CCNB1: variants seen among roughly 807,000 people sequenced by gnomAD.
CCNB1 encodes the protein G2/mitotic-specific cyclin-B1.
CCNB1 carries 26 observed loss-of-function variants against 44.4 expected under a neutral mutation model. That is an observed-to-expected ratio of 0.59 (90% CI 0.43 to 0.81). The LOEUF (loss-of-function observed/expected upper bound fraction) is 0.81, where lower values mean the gene tolerates loss of function less well. Among genes scored for constraint, CCNB1 ranks in the 40% least tolerant of loss-of-function variants. CCNB1 has a pLI of 0.00. For synonymous variants in CCNB1, 195 were observed against 181.4 expected (o/e 1.08, Z -0.60); for missense variants, 477 against 520.9 (o/e 0.92, Z 0.82).
chr5:69,172,497 T>A (rs528710762), intron 4 of CCNB1, among the ~76,000 whole-genome samples: 1 of 152,220 alleles, frequency 6.6e-6, no homozygotes, highest in East Asian at 1.9e-4. Context: ...CCTTAGATGA[T>A]CTACCCATCC....
chr5:69,172,036 C>A (rs528916300), intron 4 of CCNB1, among the ~76,000 whole-genome samples: 88 of 152,180 alleles, frequency 5.8e-4, no homozygotes, highest in Non-Finnish European at 1.0e-3. Flanking sequence ...AACATAGTAA[C>A]ATAAATTATA....
intron 4 of CCNB1, among the ~76,000 whole-genome samples, chr5:69,171,777 G>A (rs976891408): frequency 6.6e-6 from 1 of 152,122 alleles, no homozygotes. Flanking sequence ...TGCATTTTAG[G>A]TGATAACGGG....
rs1747374411 is a variant in CCNB1 at position 69,167,977 on chromosome 5, C to T, written c.91C>T (p.Pro31Ser). The change falls in exon 2 of 9, where the codon CCT becomes TCT. Residue 31 changes from proline to serine, a missense_variant. Coordinates refer to ENST00000256442, the MANE Select transcript of CCNB1 (RefSeq NM_031966.4). ...MAGAKRVPTA[P>S]AATSKPGLRP... ...AGGCGCAAAGCGCGTTCCTACGGCC[C>T]CTGCTGCAACCTCCAAGCCCGGACT... The T allele has an allele frequency of 1.2e-6, 2 of 1,614,070 alleles. No individual in the cohort carries two copies. Among genetic ancestry groups the T allele is most frequent in the East Asian group, 2.2e-5 (1 of 44,902 alleles).
rs1747561517 is a variant in CCNB1 at position 69,175,401 on chromosome 5, A to T, written c.947A>T (p.Asp316Val). The change falls in exon 7 of 9, where the codon GAT becomes GTT. Residue 316 changes from aspartate (D) to valine (V), a missense_variant. By Grantham distance (152) the Asp-to-Val change is radical. Coordinates refer to ENST00000256442, the MANE Select transcript of CCNB1 (RefSeq NM_031966.4). ...GTAACATGGGTTTTGTTTCAGGTTG[A>T]TGTCGAGCAACATACTTTGGCCAAA... ...LRRASKIGEV[D>V]VEQHTLAKYL... 3 of 1,613,032 alleles carry T rather than the reference A, an allele frequency of 1.9e-6. No individual in the cohort carries two copies. In the African/African-American group the frequency reaches 4.0e-5, roughly 22 times the overall value.
Position 69,177,681 on chromosome 5 carries a change from T to TG in CCNB1, c.*51dup. 4.7e-5 allele frequency: 51 copies of TG among 1,080,736 alleles called. No homozygotes were observed. Among genetic ancestry groups the TG allele is most frequent in the Non-Finnish European group, 6.3e-5 (44 of 702,882 alleles). 66.9% of individuals were successfully genotyped at this position (1,080,736 alleles called of 1,614,324 possible). A position where few individuals can be genotyped will look rare whatever the true frequency, so the allele number is the denominator to read the frequency against. On this transcript the variant is annotated 3_prime_UTR_variant, in exon 9 of 9. Transcript: ENST00000256442. ...ATATTTACAAATAAAATTGGCACCA[T>TG]GTGCCATCTGTACATATTACTGTTG...
rs1418662635 is a variant in CCNB1 at position 69,167,150 on chromosome 5, G to C, written c.-113G>C. ...ATCTGAGGCTAGGCTGGCTCTTCTCGGCGTGCTGCGGCGGAACGGCTGTTG... is the reference window on the plus strand; with the variant it reads ...ATCTGAGGCTAGGCTGGCTCTTCTCCGCGTGCTGCGGCGGAACGGCTGTTG... On this transcript the variant is annotated 5_prime_UTR_variant, in exon 1 of 9. Coordinates refer to ENST00000256442, the MANE Select transcript of CCNB1 (RefSeq NM_031966.4). The C allele has an allele frequency of 5.8e-6, 5 of 857,480 alleles. No homozygotes were observed. The highest frequency in any genetic ancestry group is 9.0e-6 in the Non-Finnish European group (5 of 558,544). The allele number at this position is 857,480 out of a possible 1,614,324, so 53.1% of individuals were successfully genotyped here. A position where few individuals can be genotyped will look rare whatever the true frequency, so the allele number is the denominator to read the frequency against.
In CCNB1 at chr5:69,168,054, G is replaced by A. The variant is rs1391027934; in HGVS notation, c.168G>A (p.Leu56=). ...TTGGTAACAAAGTCAGTGAACAACT[G>A]CAGGCCAAAATGCCTATGAAGAAGG... The part of the protein sequence containing the change: ...GDIGNKVSEQ[L]QAKMPMKKEA... Residue 56 remains leucine, a synonymous_variant, in exon 2 of 9, where the codon CTG becomes CTA. Transcript: ENST00000256442. 2 of 1,613,922 alleles carry A rather than the reference G, an allele frequency of 1.2e-6. No individual in the cohort carries two copies. The highest frequency in any genetic ancestry group is 1.1e-5 in the South Asian group (1 of 91,022).
rs1747352138 is a variant in CCNB1, at chr5:69,167,223, G to T, written c.-40G>T. On this transcript the variant is annotated 5_prime_UTR_variant, in exon 1 of 9. Transcript: ENST00000256442. The stretch of plus-strand genomic sequence containing the variant: ...TGGCTGGTCGGGCCTCCGGTGTTCT[G>T]CTTCTCCCCGCTGAGCTGCTGCCTG... 1 of 1,541,958 alleles carries T rather than the reference G, an allele frequency of 6.5e-7. No individual in the cohort carries two copies. The highest frequency in any genetic ancestry group is 8.7e-7 in the Non-Finnish European group (1 of 1,143,608).
Position 69,168,068 on chromosome 5 carries a change from C to G in CCNB1, c.182C>G (p.Pro61Arg), listed in dbSNP as rs1324809291. 12 of 1,613,558 alleles carry G rather than the reference C, an allele frequency of 7.4e-6. No homozygotes were observed. The highest frequency in any genetic ancestry group is 1.0e-5 in the Non-Finnish European group (12 of 1,179,850). ...AGTGAACAACTGCAGGCCAAAATGC[C>G]TATGAAGAAGGTAACTCTCTTCCTG... is the stretch of plus-strand genomic sequence containing the variant. ...KVSEQLQAKM[P>R]MKKEAKPSAT... Residue 61 changes from proline (P) to arginine (R), a missense_variant, in exon 2 of 9, where the codon CCT (proline) becomes CGT (arginine). Physicochemically the swap from Pro to Arg is moderately radical, Grantham distance 103 (BLOSUM62 -2). Coordinates refer to ENST00000256442, the MANE Select transcript of CCNB1 (RefSeq NM_031966.4).
intron 4 of CCNB1, among the ~76,000 whole-genome samples, chr5:69,173,673 A>G (rs1747511753): frequency 6.6e-6 from 1 of 152,162 alleles, no homozygotes; most frequent in Admixed American, 6.6e-5. Context: ...TTTATTTGGA[A>G]GGGAGTGGAC....
Position 69,175,513 on chromosome 5 carries a change from G to A in CCNB1, c.1059G>A (p.Leu353=), listed in dbSNP as rs1747565260. 6.2e-7 allele frequency: 1 copy of A among 1,614,122 alleles called. No individual in the cohort carries two copies. Among genetic ancestry groups the A allele is most frequent in the East Asian group, 2.2e-5 (1 of 44,868 alleles). ...QIAAGAFCLA[L]KILDNGEWTP... is the part of the protein sequence containing the mutation. Reference sequence around the variant, plus strand: ...CAGCAGGAGCTTTTTGCTTAGCACTGAAAATTCTGGATAATGGTGAATGGG... The same window carrying A: ...CAGCAGGAGCTTTTTGCTTAGCACTAAAAATTCTGGATAATGGTGAATGGG... Residue 353 remains leucine (L), a synonymous_variant, in exon 7 of 9, where the codon CTG becomes CTA. Transcript: ENST00000256442.
At position 69,176,587 on chromosome 5, in the gene CCNB1, G is replaced by C. The variant is rs185905925; in HGVS notation, c.1084-652G>C. ...GGGTTTCACCGTGTTAGCCAGGATG[G>C]TCTTGATCTCCTGACCTCGTGATCC... is the stretch of plus-strand genomic sequence containing the variant. On this transcript the variant is annotated intron_variant, in intron 7 of 8. Transcript: ENST00000256442. Among the ~76,000 whole-genome samples, 496 of 149,852 alleles carry C rather than the reference G, an allele frequency of 3.3e-3. 3 individuals are homozygous for C. Among genetic ancestry groups the C allele is most frequent in the African/African-American group, 0.012 (479 of 40,868 alleles).
chr5:69,175,339 G>A (rs564518949), intron 6 of CCNB1, 58 bp from the exon 7 acceptor site: 1 of 1,560,004 alleles, frequency 6.4e-7, no homozygotes, highest in Non-Finnish European at 8.8e-7. Context: ...TGGGCATGCA[G>A]GTTAGTGCCA....
At position 69,174,945 on chromosome 5, in the gene CCNB1, T is replaced by A; in HGVS notation, c.774T>A (p.Tyr258Ter). ...GVTAMFIASKYEEMYPPEIGD... is the reference protein window; with the variant it reads ...GVTAMFIASK ...CTGCCATGTTTATTGCAAGCAAATA[T>A]GAAGAAATGTACCCTCCAGAAATTG... The change falls in exon 6 of 9, where the codon TAT becomes TAA. Residue 258 changes from tyrosine (Y) to a stop codon, truncating the protein, a stop_gained. Transcript: ENST00000256442. LOFTEE classifies it high-confidence loss of function. 2 of 1,614,138 alleles carry A rather than the reference T, an allele frequency of 1.2e-6. No individual in the cohort carries two copies. Among genetic ancestry groups the A allele is most frequent in the Non-Finnish European group, 1.7e-6 (2 of 1,180,026 alleles).
At chr5:69,169,639 C>T (rs1460075101) in intron 3 of CCNB1, among the ~76,000 whole-genome samples, 1 of 151,960 alleles carries the variant, frequency 6.6e-6, no homozygotes, top group Non-Finnish European at 1.5e-5. Context: ...TCTCCACCCC[C>T]TGTTCCTAGA....
In CCNB1 at chr5:69,177,591, C is replaced by T; in HGVS notation, c.1262C>T (p.Ala421Val). The T allele has an allele frequency of 6.2e-7, 1 of 1,613,412 alleles. No individual in the cohort carries two copies. Among genetic ancestry groups the T allele is most frequent in the Non-Finnish European group, 8.5e-7 (1 of 1,179,364 alleles). Residue 421 changes from alanine to valine, a missense_variant, in exon 9 of 9, where the codon GCA becomes GTA. Transcript: ENST00000256442. Reference sequence around the variant, plus strand: ...AGCACTCTACCACAGCTGAATTCTGCACTAGTTCAAGATTTAGCCAAGGCT... The same window carrying T: ...AGCACTCTACCACAGCTGAATTCTGTACTAGTTCAAGATTTAGCCAAGGCT... ...KISTLPQLNS[A>V]LVQDLAKAVA...
At chr5:69,170,878 A>G (rs1747443920) in intron 3 of CCNB1, among the ~76,000 whole-genome samples, 1 of 152,154 alleles carries the variant, frequency 6.6e-6, no homozygotes, top group Non-Finnish European at 1.5e-5. Context: ...TCAGCCACCC[A>G]AAGTACTGGG....
chr5:69,176,421 A>G (rs913487504), intron 7 of CCNB1, among the ~76,000 whole-genome samples: 2 of 151,532 alleles, frequency 1.3e-5, no homozygotes, highest in South Asian at 2.1e-4. Context: ...CAGTGGCGTG[A>G]TCTCGGCTCA....
intron 7 of CCNB1, among the ~76,000 whole-genome samples, chr5:69,176,014 T>TACAC (rs1432224557): frequency 7.4e-6 from 1 of 134,956 alleles, no homozygotes; most frequent in Non-Finnish European, 1.6e-5. Flanking sequence ...TATATATATA[T>TACAC]ACAGGCACAC....
Sources: gnomAD v4.1 joint callset for allele counts (sites outside exome capture counted in the v4.1 genomes callset) on GRCh38, gnomAD v4.1.1 for gene constraint, MANE v1.5 for transcripts, NCBI Gene and HGNC (gene_info 2026-07-23, HGNC 2026-07-21) for gene names.